UVRAG: variants seen among roughly 807,000 people sequenced by gnomAD.
The protein encoded by UVRAG is UV radiation resistance associated.
UVRAG carries 19 observed loss-of-function variants against 78.0 expected under a neutral mutation model. The observed-to-expected ratio is 0.24, with a 90% CI of 0.17 to 0.36. The LOEUF is 0.36. UVRAG is among the 10% of genes least tolerant of loss of function. UVRAG has a pLI of 1.00. For synonymous variants in UVRAG, 323 were observed against 324.6 expected, an observed-to-expected ratio of 1.00 and a Z score of 0.05; for missense variants, 740 against 853.8, an observed-to-expected ratio of 0.87 and a Z score of 1.66.
Position 76,141,205 on chromosome 11 carries a change from A to T in UVRAG, c.1892A>T (p.Gln631Leu), listed in dbSNP as rs1565178279. ...GCTGAGCTCTGCTGTACTGTGGAGC[A>T]AGCAGAAGAAATCATCGGGCTGGAA... ...SEAELCCTVEQAEEIIGLEAT... is the reference protein window; with the variant it reads ...SEAELCCTVELAEEIIGLEAT... Residue 631 changes from glutamine to leucine, a missense_variant, in exon 15 of 15, where the codon CAA (glutamine) becomes CTA (leucine). Coordinates refer to ENST00000356136, the MANE Select transcript of UVRAG (RefSeq NM_003369.4). 1 of 1,614,134 alleles carries T rather than the reference A, an allele frequency of 6.2e-7. No individual in the cohort carries two copies. The highest frequency in any genetic ancestry group is 8.5e-7 in the Non-Finnish European group (1 of 1,180,032).
intron 6 of UVRAG, among the ~76,000 whole-genome samples, chr11:75,951,523 C>T (rs1948703277): frequency 6.6e-6 from 1 of 152,102 alleles, no homozygotes; most frequent in South Asian, 2.1e-4. Context: ...GCTGGGATTA[C>T]AGGCATGTGC....
chr11:75,867,734 C>T (rs183918399), intron 3 of UVRAG, among the ~76,000 whole-genome samples: 251 of 152,272 alleles, frequency 1.6e-3, no homozygotes, highest in African/African-American at 5.7e-3. Context: ...ACTCTCACCC[C>T]CAGTCTGCAA....
At chr11:76,058,374 G>A (rs577710844) in intron 12 of UVRAG, among the ~76,000 whole-genome samples, 20 of 151,590 alleles carry the variant, frequency 1.3e-4, no homozygotes, top group South Asian at 6.3e-4. Context: ...CTATCCTCCC[G>A]TGCAAAAAGT....
intron 8 of UVRAG, among the ~76,000 whole-genome samples, chr11:76,000,598 G>C (rs1949794212): frequency 6.6e-6 from 1 of 151,272 alleles, no homozygotes; most frequent in Non-Finnish European, 1.5e-5. Flanking sequence ...CTGGGCAACA[G>C]AGTGAGACCC....
At chr11:75,882,704 C>T (rs1490034959) in intron 4 of UVRAG, among the ~76,000 whole-genome samples, 5 of 152,098 alleles carry the variant, frequency 3.3e-5, no homozygotes, top group Admixed American at 3.3e-4. Flanking sequence ...TCCTCCCCTC[C>T]ACGCAGCTCC....
At chr11:75,916,269 A>G (rs1293370134) in intron 6 of UVRAG, 1 of 152,202 alleles carries the variant, frequency 6.6e-6, no homozygotes, top group East Asian at 1.9e-4. Flanking sequence ...AGTAACGTCA[A>G]CTTTTTGTAT....
chr11:75,988,813 T>C (rs1168042452), intron 8 of UVRAG, among the ~76,000 whole-genome samples: 1 of 152,240 alleles, frequency 6.6e-6, no homozygotes, highest in African/African-American at 2.4e-5. Context: ...CTGATAACTA[T>C]TGTGGCTGAG....
intron 6 of UVRAG, among the ~76,000 whole-genome samples, chr11:75,944,343 A>G (rs1005332231): frequency 6.6e-6 from 1 of 152,158 alleles, no homozygotes; most frequent in Non-Finnish European, 1.5e-5. Context: ...GATAACTTCA[A>G]TAATGTGTTT....
intron 12 of UVRAG, among the ~76,000 whole-genome samples, chr11:76,034,779 A>T (rs992367714): frequency 3.9e-5 from 6 of 152,182 alleles, no homozygotes; most frequent in African/African-American, 1.4e-4. Context: ...CTTTAAAAAG[A>T]CTTACAAAAG....
At chr11:76,090,503 G>A (rs1225087120) in intron 13 of UVRAG, among the ~76,000 whole-genome samples, 1 of 152,118 alleles carries the variant, frequency 6.6e-6, no homozygotes, top group Non-Finnish European at 1.5e-5. Flanking sequence ...CTGTCAGAAT[G>A]GCTACCTGCA....
chr11:75,930,497 A>G (rs950100580), intron 6 of UVRAG, among the ~76,000 whole-genome samples: 1 of 152,234 alleles, frequency 6.6e-6, no homozygotes, highest in Non-Finnish European at 1.5e-5. Flanking sequence ...ATTGTATGAT[A>G]AACTAATATT....
At chr11:75,868,176 G>A (rs1306021992) in intron 3 of UVRAG, among the ~76,000 whole-genome samples, 1 of 152,202 alleles carries the variant, frequency 6.6e-6, no homozygotes, top group Admixed American at 6.5e-5. Flanking sequence ...CATGGGAGAT[G>A]TCACTTGAGC....
intron 1 of UVRAG, among the ~76,000 whole-genome samples, chr11:75,841,365 T>C (rs1328916939): frequency 6.6e-6 from 1 of 152,226 alleles, no homozygotes; most frequent in East Asian, 1.9e-4. Flanking sequence ...GTTAAAAGAT[T>C]GTTAACTAAA....
chr11:75,985,966 G>T (rs1343844385), intron 8 of UVRAG, among the ~76,000 whole-genome samples: 1 of 151,950 alleles, frequency 6.6e-6, no homozygotes, highest in Non-Finnish European at 1.5e-5. Context: ...AAGTTCTTCA[G>T]CTTAATTGTT....
At chr11:75,947,483 C>T (rs569795574) in intron 6 of UVRAG, among the ~76,000 whole-genome samples, 2 of 151,900 alleles carry the variant, frequency 1.3e-5, no homozygotes, top group East Asian at 3.8e-4. Flanking sequence ...TGAATAGAAT[C>T]GTAGAATAAT....
intron 13 of UVRAG, among the ~76,000 whole-genome samples, chr11:76,109,492 T>C (rs1952032918): frequency 6.6e-6 from 1 of 152,208 alleles, no homozygotes; most frequent in South Asian, 2.1e-4. Flanking sequence ...CTTACAACTA[T>C]CTTATGAGAT....
intron 5 of UVRAG, among the ~76,000 whole-genome samples, chr11:75,892,936 T>C (rs1178677802): frequency 6.6e-6 from 1 of 152,032 alleles, no homozygotes; most frequent in Non-Finnish European, 1.5e-5. Context: ...TCTCAGCACT[T>C]TGGGAGGCCG....
intron 1 of UVRAG, among the ~76,000 whole-genome samples, chr11:75,828,805 A>ATATATATATATTTTTT: frequency 1.0e-5 from 1 of 100,268 alleles, no homozygotes; most frequent in African/African-American, 4.0e-5. Context: ...ATATATATAT[A>ATATATATATATTTTTT]TTTTTTTTTT....
At chr11:75,951,131 C>A (rs1174488998) in intron 6 of UVRAG, among the ~76,000 whole-genome samples, 5 of 152,016 alleles carry the variant, frequency 3.3e-5, no homozygotes, top group African/African-American at 1.2e-4. Context: ...TCCAGAGGCA[C>A]TGTAGTCTTA....
Sources: gnomAD v4.1 joint callset for allele counts (sites outside exome capture counted in the v4.1 genomes callset) on GRCh38, gnomAD v4.1.1 for gene constraint, MANE v1.5 for transcripts, NCBI Gene and HGNC (gene_info 2026-07-23, HGNC 2026-07-21) for gene names.